The following AKT2 variants were observed in gnomAD, a reference collection of about 807,000 sequenced individuals.
The protein encoded by AKT2 is AKT serine/threonine kinase 2, also known as RAC-beta serine/threonine-protein kinase.
AKT2 carries 16 observed loss-of-function variants against 58.6 expected under a neutral mutation model. The observed-to-expected ratio is 0.27, with a 90% CI of 0.18 to 0.41. The LOEUF is 0.41. AKT2 is among the 10% of genes least tolerant of loss of function. AKT2 has a pLI of 1.00. For missense variants in AKT2, 438 were observed against 661.0 expected (o/e 0.66, Z 3.70); for synonymous variants, 253 against 254.0 (o/e 1.00, Z 0.04).
intron 4 of AKT2, among the ~76,000 whole-genome samples, chr19:40,253,811 T>C (rs1434352085): frequency 6.6e-6 from 1 of 150,700 alleles, no homozygotes; most frequent in Non-Finnish European, 1.5e-5. Context: ...GTCATCACAA[T>C]AAAGAACGGC....
intron 1 of AKT2, among the ~76,000 whole-genome samples, chr19:40,272,550 T>C (rs968262514): frequency 6.6e-6 from 1 of 152,230 alleles, no homozygotes; most frequent in Non-Finnish European, 1.5e-5. Flanking sequence ...ACACACGCCC[T>C]GTCACCTCAA....
chr19:40,264,302 G>A (rs1053574985), intron 2 of AKT2, among the ~76,000 whole-genome samples: 1 of 152,128 alleles, frequency 6.6e-6, no homozygotes, highest in Non-Finnish European at 1.5e-5. Context: ...GTCTTGCGTG[G>A]CAGCCACTTT....
rs183660552 is a variant in AKT2 at position 40,283,623 on chromosome 19, G to A, written c.-85+1558C>T. ...TCCAGACCCAGAGCAAAGGCTACAG[G>A]GCAAGCCAAGGTCATGATCTGGCCT... On this transcript the variant is annotated intron_variant, in intron 1 of 13. Transcript: ENST00000392038. 6.6e-5 allele frequency among the ~76,000 whole-genome samples: 10 copies of A among 152,280 alleles called. No homozygotes were observed. In the East Asian group the frequency reaches 1.9e-3, roughly 29 times the overall value.
chr19:40,236,584 A>C (rs887127654), intron 9 of AKT2, 199 bp from the exon 10 acceptor site: 4 of 680,690 alleles, frequency 5.9e-6, no homozygotes, highest in Non-Finnish European at 1.0e-5. Context: ...GCCCACCCCC[A>C]TGGTACCTGG....
At chr19:40,240,797 T>C (rs1020056507) in intron 6 of AKT2, 2 of 174,280 alleles carry the variant, frequency 1.1e-5, no homozygotes, top group African/African-American at 4.8e-5. Context: ...TTTTCCCTTT[T>C]TTTTTTTAGC....
At chr19:40,244,754 G>A (rs1974641974) in intron 4 of AKT2, among the ~76,000 whole-genome samples, 1 of 152,250 alleles carries the variant, frequency 6.6e-6, no homozygotes, top group Admixed American at 6.5e-5. Context: ...CTTCCAGGAT[G>A]GCCCCCGCCC....
intron 1 of AKT2, among the ~76,000 whole-genome samples, chr19:40,284,137 A>T (rs554916649): frequency 1.5e-4 from 23 of 152,194 alleles, no homozygotes; most frequent in African/African-American, 5.5e-4. Flanking sequence ...GCTGAGCCCC[A>T]AGAGGTCTCC....
At position 40,231,230 on chromosome 19, in the gene AKT2, G is replaced by A. The variant is rs957908805; in HGVS notation, c.*2642C>T. 2 of 232,112 alleles carry A rather than the reference G, an allele frequency of 8.6e-6. No homozygotes were observed. Among genetic ancestry groups the A allele is most frequent in the Non-Finnish European group, 1.7e-5 (2 of 117,422 alleles). 14.4% of individuals were successfully genotyped at this position (232,112 alleles called of 1,614,324 possible). ...TGTGGGACCCCATCCTGTGGAAGAG[G>A]AGAGAGGCACTAAAAAGATGAGGTA... On this transcript the variant is annotated 3_prime_UTR_variant, in exon 14 of 14. Coordinates refer to ENST00000392038, the MANE Select transcript of AKT2 (RefSeq NM_001626.6).
chr19:40,256,509 G>A (rs985427338), intron 3 of AKT2, among the ~76,000 whole-genome samples: 1 of 152,206 alleles, frequency 6.6e-6, no homozygotes, highest in Non-Finnish European at 1.5e-5. Flanking sequence ...GTATTACAGA[G>A]GGACAGAGGA....
intron 10 of AKT2, 58 bp downstream of exon 10, chr19:40,236,199 C>G (rs991288705): frequency 1.2e-6 from 2 of 1,613,352 alleles, no homozygotes; most frequent in African/African-American, 2.7e-5. Context: ...ACACACAGGT[C>G]TGGGGGATCC....
At chr19:40,266,686 T>C (rs1976379567) in intron 1 of AKT2, among the ~76,000 whole-genome samples, 1 of 152,200 alleles carries the variant, frequency 6.6e-6, no homozygotes, top group African/African-American at 2.4e-5. Context: ...GGCTCATGTC[T>C]GTAATCCCAA....
intron 1 of AKT2, chr19:40,284,877 T>A: frequency 4.0e-6 from 1 of 252,504 alleles, no homozygotes; most frequent in Non-Finnish European, 7.5e-6. Context: ...AGGCTCGATC[T>A]GCCCGCCGCG....
At chr19:40,277,589 C>T (rs993708443) in intron 1 of AKT2, among the ~76,000 whole-genome samples, 1 of 152,206 alleles carries the variant, frequency 6.6e-6, no homozygotes, top group Non-Finnish European at 1.5e-5. Flanking sequence ...CCCACTCCCC[C>T]GGCTCCAGCT....
rs1197867973 is a variant in AKT2 at position 40,242,016 on chromosome 19, T to C, written c.495A>G (p.Lys165=). 1 of 1,614,228 alleles carries C rather than the reference T, an allele frequency of 6.2e-7. No individual in the cohort carries two copies. ...LKLLGKGTFG[K]VILVREKATG... is the part of the protein sequence containing the mutation. ...TGGCCTTCTCCCGCACCAGGATGAC[T>C]TTGCCAAAGGTTCCCTTGCCAAGGA... Residue 165 remains lysine (K), a synonymous_variant, in exon 6 of 14, where the codon AAA becomes AAG. Transcript: ENST00000392038. The surrounding 1 kb of genome is among the most constrained non-coding windows in gnomAD (Gnocchi z 4.3).
chr19:40,276,343 A>ACCTTTTT lies in AKT2; in HGVS notation c.-85+8837_-85+8838insAAAAAGG, dbSNP rs1568573407. On this transcript the variant is annotated intron_variant, in intron 1 of 13. Coordinates refer to ENST00000392038, the MANE Select transcript of AKT2 (RefSeq NM_001626.6). Reference sequence around the variant, plus strand: ...TCAGCTTCCGCATCTGTAAAATGGAATCTTTTTTTTTTTTTTTTTTTTTTT... The same window carrying ACCTTTTT: ...TCAGCTTCCGCATCTGTAAAATGGAACCTTTTTTCTTTTTTTTTTTTTTTTTTTTTTT... Among the ~76,000 whole-genome samples, 2 of 98,856 alleles carry ACCTTTTT rather than the reference A, an allele frequency of 2.0e-5. 1 individual carries two copies. The highest frequency in any genetic ancestry group is 3.9e-5 in the Non-Finnish European group (2 of 50,724). 64.9% of individuals were successfully genotyped at this position (98,856 alleles called of 152,430 possible). A position where few individuals can be genotyped will look rare whatever the true frequency, so the allele number is the denominator to read the frequency against.
chr19:40,264,530 C>T (rs1976197824), intron 2 of AKT2, among the ~76,000 whole-genome samples: 1 of 152,150 alleles, frequency 6.6e-6, no homozygotes, highest in African/African-American at 2.4e-5. Flanking sequence ...TTGCCTCCCC[C>T]AGCTCGCCCT....
intron 3 of AKT2, among the ~76,000 whole-genome samples, chr19:40,256,672 A>C (rs1410149138): frequency 6.6e-6 from 1 of 152,206 alleles, no homozygotes; most frequent in Admixed American, 6.5e-5. Flanking sequence ...CTGGAACCAC[A>C]AGGAGGCGAT....
intron 6 of AKT2, among the ~76,000 whole-genome samples, chr19:40,240,523 C>T (rs139257531): frequency 5.9e-5 from 9 of 152,324 alleles, no homozygotes; most frequent in East Asian, 5.8e-4. Flanking sequence ...ACCTCAGCAC[C>T]GCCTGGGAAC....
chr19:40,238,926 C>A lies in AKT2; in HGVS notation c.687G>T (p.Met229Ile). The change falls in exon 8 of 14, where the codon ATG (methionine) becomes ATT (isoleucine). Residue 229 changes from methionine (M) to isoleucine (I), a missense_variant. Coordinates refer to ENST00000392038, the MANE Select transcript of AKT2 (RefSeq NM_001626.6). This position sits in a 1 kb window ranked among gnomAD's most constrained non-coding sequence, Gnocchi z 5.1. ...FQTHDRLCFVMEYANGGELFF... is the reference protein window; with the variant it reads ...FQTHDRLCFVIEYANGGELFF... ...TCACCTCACCCCCGTTGGCATACTC[C>A]ATCACAAAGCACAGGCGGTCGTGGG... is the stretch of plus-strand genomic sequence containing the variant. 1 of 1,614,056 alleles carries A rather than the reference C, an allele frequency of 6.2e-7. No individual in the cohort carries two copies. The highest frequency in any genetic ancestry group is 8.5e-7 in the Non-Finnish European group (1 of 1,179,996).
Sources: allele counts gnomAD v4.1 joint callset (sites outside exome capture counted in the v4.1 genomes callset), GRCh38; gene constraint gnomAD v4.1.1; non-coding constraint Gnocchi (gnomAD v3.1); transcripts MANE v1.5; gene names NCBI Gene and HGNC (gene_info 2026-07-23, HGNC 2026-07-21).